The following CCDC178 variants were observed in gnomAD, a reference collection of about 807,000 sequenced individuals.
CCDC178 encodes coiled-coil domain containing 178, also known as coiled-coil domain-containing protein 178.
CCDC178 carries 126 observed loss-of-function variants against 117.4 expected under a neutral mutation model. That is an observed-to-expected ratio of 1.07 (90% CI 0.93 to 1.24). CCDC178 has a LOEUF of 1.24. CCDC178 is among the 50% of genes most tolerant of loss of function. CCDC178 has a pLI of 0.00. For missense variants in CCDC178, 1,030 were observed against 986.9 expected, an observed-to-expected ratio of 1.04 and a Z score of -0.59; for synonymous variants, 283 against 313.4, an observed-to-expected ratio of 0.90 and a Z score of 1.02.
intron 20 of CCDC178, among the ~76,000 whole-genome samples, chr18:33,194,830 G>A (rs1450835649): frequency 1.3e-5 from 2 of 149,354 alleles, no homozygotes; most frequent in East Asian, 2.0e-4. Flanking sequence ...TTGAGAGACT[G>A]AGGTGGAAGA....
chr18:33,087,777 T>C (rs966598324), intron 21 of CCDC178, among the ~76,000 whole-genome samples: 1 of 152,168 alleles, frequency 6.6e-6, no homozygotes, highest in Admixed American at 6.5e-5. Context: ...TTATATGGTG[T>C]GCAGGACAAC....
Position 33,094,078 on chromosome 18 carries a change from C to T in CCDC178, c.2239-1168G>A, listed in dbSNP as rs1598876584. Among the ~76,000 whole-genome samples the T allele has an allele frequency of 3.3e-5, 5 of 152,094 alleles. 1 individual carries two copies. In the South Asian group the frequency reaches 1.0e-3, roughly 32 times the overall value. On this transcript the variant is annotated intron_variant, in intron 20 of 22. Coordinates refer to ENST00000383096, the MANE Select transcript of CCDC178 (RefSeq NM_001105528.4). ...GCCTGTACAAATATTTCTGTATTTA[C>T]ACACTTGAAGATTTATTAAAGTCAA...
intron 21 of CCDC178, among the ~76,000 whole-genome samples, chr18:32,977,529 A>T (rs569230420): frequency 6.6e-6 from 1 of 152,308 alleles, no homozygotes; most frequent in African/African-American, 2.4e-5. Flanking sequence ...GTAATTTGGA[A>T]TTTTTAAGAC....
chr18:33,229,265 G>C (rs1361730211), intron 15 of CCDC178, among the ~76,000 whole-genome samples: 1 of 152,114 alleles, frequency 6.6e-6, no homozygotes. Flanking sequence ...AAGGTAGCAA[G>C]GCTATCATTC....
intron 20 of CCDC178, among the ~76,000 whole-genome samples, chr18:33,144,521 G>C (rs952641677): frequency 3.3e-5 from 5 of 152,032 alleles, no homozygotes; most frequent in African/African-American, 1.2e-4. Context: ...GAATAGGTGA[G>C]TTTCTCTTTT....
chr18:33,361,050 A>C (rs1345277985), intron 6 of CCDC178, among the ~76,000 whole-genome samples: 2 of 151,716 alleles, frequency 1.3e-5, no homozygotes, highest in Non-Finnish European at 3.0e-5. Flanking sequence ...CTGAGGAAAA[A>C]AGGTAATGTT....
rs375698407 is a variant in CCDC178 at position 33,347,868 on chromosome 18, CTT to C, written c.457+1020_457+1021del. ...TGTATTTAACATCTCATTTTTTTTT[CTT>C]GAGTGCCATCTCAGTTTTGCAGTTT... is the stretch of plus-strand genomic sequence containing the variant. On this transcript the variant is annotated intron_variant, in intron 8 of 22. Coordinates refer to ENST00000383096, the MANE Select transcript of CCDC178 (RefSeq NM_001105528.4). 1.7e-3 allele frequency among the ~76,000 whole-genome samples: 260 copies of C among 151,140 alleles called. 3 individuals are homozygous for C. The highest frequency in any genetic ancestry group is 6.1e-3 in the African/African-American group (253 of 41,296).
At chr18:33,379,294 T>A (rs2063409961) in intron 5 of CCDC178, among the ~76,000 whole-genome samples, 1 of 151,090 alleles carries the variant, frequency 6.6e-6, no homozygotes, top group Non-Finnish European at 1.5e-5. Context: ...GTCTTTTGGT[T>A]TTGGTTCTAT....
Position 33,412,048 on chromosome 18 carries a change from T to C in CCDC178, c.41A>G (p.Asp14Gly). Residue 14 changes from aspartate (D) to glycine (G), a missense_variant, in exon 3 of 23, where the codon GAT becomes GGT. Asp to Gly is a moderately conservative substitution (Grantham distance 94). Coordinates refer to ENST00000383096, the MANE Select transcript of CCDC178 (RefSeq NM_001105528.4). Reference sequence around the variant, plus strand: ...AAACTTACCTATATTGGTTTGATCATCTCTAGTGGAAGAAGAGGAAACTGT... The same window carrying C: ...AAACTTACCTATATTGGTTTGATCACCTCTAGTGGAAGAAGAGGAAACTGT... Reference protein sequence around the residue: ...NKTVSSSSTRDDQTNIGLTCQ... With the variant: ...NKTVSSSSTRGDQTNIGLTCQ... 1 of 1,504,164 alleles carries C rather than the reference T, an allele frequency of 6.6e-7. No individual in the cohort carries two copies. Among genetic ancestry groups the C allele is most frequent in the Non-Finnish European group, 9.2e-7 (1 of 1,091,734 alleles). 93.2% of individuals were successfully genotyped at this position (1,504,164 alleles called of 1,614,324 possible).
chr18:33,432,722 C>T (rs776225886), intron 2 of CCDC178, among the ~76,000 whole-genome samples: 1 of 152,126 alleles, frequency 6.6e-6, no homozygotes, highest in East Asian at 1.9e-4. Flanking sequence ...ATTTATGATG[C>T]TCTGTAAGAT....
chr18:33,406,978 C>A (rs2063789935), intron 3 of CCDC178, among the ~76,000 whole-genome samples: 1 of 152,098 alleles, frequency 6.6e-6, no homozygotes, highest in African/African-American at 2.4e-5. Flanking sequence ...GGATATGGCT[C>A]CCTGAAAAAC....
chr18:33,046,358 C>T (rs1335947372), intron 21 of CCDC178, among the ~76,000 whole-genome samples: 2 of 152,096 alleles, frequency 1.3e-5, no homozygotes, highest in African/African-American at 4.8e-5. Context: ...TAAATCTGAT[C>T]ACCCACCTTT....
chr18:33,384,396 C>T (rs1196065897), intron 5 of CCDC178, among the ~76,000 whole-genome samples: 1 of 152,012 alleles, frequency 6.6e-6, no homozygotes, highest in East Asian at 1.9e-4. Context: ...GATTTATCCC[C>T]AAGACACATA....
At chr18:32,955,049 A>G (rs1317251137) in intron 22 of CCDC178, among the ~76,000 whole-genome samples, 2 of 152,044 alleles carry the variant, frequency 1.3e-5, no homozygotes, top group African/African-American at 4.8e-5. Context: ...ACCTTAATCA[A>G]TTTCCTCAGT....
chr18:33,419,508 G>A (rs1232116646), intron 2 of CCDC178, among the ~76,000 whole-genome samples: 2 of 152,090 alleles, frequency 1.3e-5, no homozygotes, highest in African/African-American at 4.8e-5. Context: ...CCCACAGAAT[G>A]GGAGAAAATA....
rs73959110 is a variant in CCDC178 at position 33,197,580 on chromosome 18, T to C, written c.2238+14316A>G. On this transcript the variant is annotated intron_variant, in intron 20 of 22. Transcript: ENST00000383096. ...AGCTTTCCAACTGCAACTGTAAAAT[T>C]AAAAAAATGAAACCTTTGTGGCCTA... 1.6e-3 allele frequency among the ~76,000 whole-genome samples: 230 copies of C among 147,304 alleles called. 2 individuals carry two copies. The highest frequency in any genetic ancestry group is 5.5e-3 in the African/African-American group (217 of 39,452).
chr18:33,062,089 T>G (rs770915937), intron 21 of CCDC178, among the ~76,000 whole-genome samples: 2 of 152,216 alleles, frequency 1.3e-5, no homozygotes, highest in Admixed American at 1.3e-4. Context: ...CAGAATCAAT[T>G]CAGAGGTAAA....
At chr18:33,295,948 A>G (rs1332751250) in intron 11 of CCDC178, among the ~76,000 whole-genome samples, 1 of 152,210 alleles carries the variant, frequency 6.6e-6, no homozygotes, top group Admixed American at 6.5e-5. Flanking sequence ...TCCGAGAGAA[A>G]TGAAAAACTT....
chr18:33,107,287 G>T (rs1487366628), intron 20 of CCDC178, among the ~76,000 whole-genome samples: 1 of 151,480 alleles, frequency 6.6e-6, no homozygotes, highest in Non-Finnish European at 1.5e-5. Flanking sequence ...GGAAAATCAG[G>T]AAACAAGTTA....
Sources: gnomAD v4.1 joint callset for allele counts (sites outside exome capture counted in the v4.1 genomes callset) on GRCh38, gnomAD v4.1.1 for gene constraint, MANE v1.5 for transcripts, NCBI Gene and HGNC (gene_info 2026-07-23, HGNC 2026-07-21) for gene names.